The following CA5A variants were observed in gnomAD, a reference collection of about 807,000 sequenced individuals.
CA5A encodes carbonic anhydrase 5A.
CA5A carries 28 observed loss-of-function variants against 37.1 expected under a neutral mutation model. That is an observed-to-expected ratio of 0.75 (90% CI 0.56 to 1.03). The LOEUF (loss-of-function observed/expected upper bound fraction) is 1.03. Among genes scored for constraint, CA5A ranks in the 50% least tolerant of loss-of-function variants. The pLI is 0.00. For missense variants in CA5A, 444 were observed against 399.9 expected, an observed-to-expected ratio of 1.11 and a Z score of -0.94; for synonymous variants, 171 against 158.4, an observed-to-expected ratio of 1.08 and a Z score of -0.60.
chr16:87,891,573 A>T (rs2055713684), intron 6 of CA5A, among the ~76,000 whole-genome samples: 1 of 152,186 alleles, frequency 6.6e-6, no homozygotes, highest in Admixed American at 6.5e-5. Flanking sequence ...TGTGTGATAG[A>T]TTAGGGCGTT....
chr16:87,913,319 T>TTTTTTTTTTTA (rs2056079632), intron 2 of CA5A, among the ~76,000 whole-genome samples: 2 of 146,466 alleles, frequency 1.4e-5, no homozygotes, highest in African/African-American at 5.0e-5. Flanking sequence ...TTTTTTTTTT[T>TTTTTTTTTTTA]GAGTCAGGGG....
At chr16:87,905,062 G>T (rs2055939811) in intron 2 of CA5A, among the ~76,000 whole-genome samples, 158 bp from the exon 3 acceptor site, 1 of 151,992 alleles carries the variant, frequency 6.6e-6, no homozygotes, top group Admixed American at 6.6e-5. Context: ...CGTGAAAGGT[G>T]GGCTCTGTCT....
intron 2 of CA5A, among the ~76,000 whole-genome samples, chr16:87,915,590 G>C (rs1387287118): frequency 2.4e-5 from 3 of 123,938 alleles, no homozygotes; most frequent in Non-Finnish European, 4.7e-5. Flanking sequence ...CCAGGAGGCT[G>C]AGGTGGGAGG....
At chr16:87,900,783 TG>T (rs1301480912) in intron 5 of CA5A, among the ~76,000 whole-genome samples, 3 of 152,246 alleles carry the variant, frequency 2.0e-5, no homozygotes, top group Non-Finnish European at 2.9e-5. Context: ...AGGAGAGTGC[TG>T]GGTGGTACAT....
In CA5A at chr16:87,892,998, A is replaced by G. The variant is rs547254165; in HGVS notation, c.619-1044T>C. 1.1e-5 allele frequency: 14 copies of G among 1,232,510 alleles called. No individual in the cohort carries two copies. The African/African-American group carries it at 1.4e-4, about 12-fold the overall frequency. The allele number at this position is 1,232,510 out of a possible 1,614,324, so 76.3% of individuals were successfully genotyped here. ...CATGGTGGCCAAGAAGGATGTCCAC[A>G]TGCCTAAGCACCCGGAGATGGCAGA... On this transcript the variant is annotated intron_variant, in intron 5 of 6. Coordinates refer to ENST00000649794, the MANE Select transcript of CA5A (RefSeq NM_001739.2).
intron 2 of CA5A, among the ~76,000 whole-genome samples, chr16:87,907,920 C>G (rs2055989813): frequency 6.6e-6 from 1 of 152,192 alleles, no homozygotes; most frequent in Non-Finnish European, 1.5e-5. Flanking sequence ...GAGTGAAACT[C>G]CGTCTCAAAA....
At chr16:87,890,311 C>T (rs2055694849) in intron 6 of CA5A, among the ~76,000 whole-genome samples, 1 of 152,168 alleles carries the variant, frequency 6.6e-6, no homozygotes. Flanking sequence ...CACATATATG[C>T]TTGTTGAGTG....
chr16:87,893,817 G>C (rs996273579), intron 5 of CA5A: 6 of 342,298 alleles, frequency 1.8e-5, no homozygotes, highest in African/African-American at 1.3e-4. Context: ...TTGTCACCCA[G>C]GCAGGAGTGC....
intron 2 of CA5A, among the ~76,000 whole-genome samples, chr16:87,921,194 G>C (rs1241352923): frequency 6.6e-6 from 1 of 152,152 alleles, no homozygotes; most frequent in African/African-American, 2.4e-5. Flanking sequence ...CTCCCAAAGT[G>C]TTGGGATTAC....
chr16:87,902,081 C>T (rs541212688), intron 4 of CA5A, 107 bp from the exon 5 acceptor site: 13 of 1,004,984 alleles, frequency 1.3e-5, no homozygotes, highest in South Asian at 2.6e-5. Context: ...AGGCCAGGTG[C>T]GGTGGCTCAT....
chr16:87,901,096 GGC>G (rs1340327498), intron 5 of CA5A, among the ~76,000 whole-genome samples: 2 of 152,304 alleles, frequency 1.3e-5, no homozygotes, highest in Non-Finnish European at 2.9e-5. Flanking sequence ...TGGGTATGGT[GGC>G]GCACACCTAT....
At chr16:87,903,361 G>T (rs542765673) in intron 3 of CA5A, among the ~76,000 whole-genome samples, 98 of 152,148 alleles carry the variant, frequency 6.4e-4, no homozygotes, top group African/African-American at 2.1e-3. Flanking sequence ...AACCTGGGCA[G>T]CAGAGGTTGC....
intron 6 of CA5A, among the ~76,000 whole-genome samples, chr16:87,889,377 C>A (rs1350484807): frequency 2.0e-5 from 3 of 152,132 alleles, no homozygotes; most frequent in African/African-American, 7.2e-5. Flanking sequence ...TCTAAAGCCA[C>A]TATGTTTTGG....
At chr16:87,925,932 G>A (rs1834313977) in intron 2 of CA5A, among the ~76,000 whole-genome samples, 1 of 152,194 alleles carries the variant, frequency 6.6e-6, no homozygotes, top group African/African-American at 2.4e-5. Flanking sequence ...CATTTAAAAG[G>A]TCAGCGAGGG....
chr16:87,886,502 G>C (rs958800857), downstream of CA5A: 1 of 152,044 alleles, frequency 6.6e-6, no homozygotes, highest in African/African-American at 2.4e-5. Flanking sequence ...TTTTGTGTGT[G>C]CTGTGAGGTA....
At chr16:87,923,314 G>C (rs1053383553) in intron 2 of CA5A, among the ~76,000 whole-genome samples, 5 of 152,106 alleles carry the variant, frequency 3.3e-5, no homozygotes, top group Non-Finnish European at 7.3e-5. Context: ...TCAGTCCCCC[G>C]AGGAACTGGA....
chr16:87,902,836 C>G (rs1307190300), intron 3 of CA5A, among the ~76,000 whole-genome samples: 1 of 151,040 alleles, frequency 6.6e-6, no homozygotes, highest in Non-Finnish European at 1.5e-5. Context: ...GGTGTGAACC[C>G]AGGAGGTAGA....
At chr16:87,910,373 G>A (rs2143992725) in intron 2 of CA5A, among the ~76,000 whole-genome samples, 2 of 152,262 alleles carry the variant, frequency 1.3e-5, no homozygotes, top group South Asian at 4.1e-4. Flanking sequence ...TACAGAGCAG[G>A]TCCTGTGAGT....
At chr16:87,918,627 G>A (rs1442526217) in intron 2 of CA5A, among the ~76,000 whole-genome samples, 1 of 152,176 alleles carries the variant, frequency 6.6e-6, no homozygotes, top group South Asian at 2.1e-4. Context: ...CCCAGGCCTC[G>A]GGAGCCTGTC....
Sources: gnomAD v4.1 joint callset for allele counts (sites outside exome capture counted in the v4.1 genomes callset) on GRCh38, gnomAD v4.1.1 for gene constraint, MANE v1.5 for transcripts, NCBI Gene and HGNC (gene_info 2026-07-23, HGNC 2026-07-21) for gene names.